SGCZ: variants seen among roughly 807,000 people sequenced by gnomAD.
SGCZ encodes sarcoglycan zeta, also known as zeta-sarcoglycan.
SGCZ carries 40 observed loss-of-function variants against 41.3 expected under a neutral mutation model. The ratio of observed to expected loss-of-function variants is 0.97; its 90% CI spans 0.75 to 1.26. The LOEUF (loss-of-function observed/expected upper bound fraction) is 1.26, where lower values mean the gene tolerates loss of function less well. Ranked by LOEUF, SGCZ falls within the 50% of genes most tolerant of loss-of-function variation. The pLI, the probability that SGCZ is intolerant of heterozygous loss-of-function variation, is 0.00. For missense variants in SGCZ, 552 were observed against 369.8 expected (o/e 1.49, Z -4.04); for synonymous variants, 206 against 137.5 (o/e 1.50, Z -3.49).
intron 7 of SGCZ, among the ~76,000 whole-genome samples, chr8:14,100,537 A>G (rs1169701477): frequency 8.2e-6 from 1 of 122,084 alleles, no homozygotes. Flanking sequence ...TATTTTCAAA[A>G]TATTATACAT....
At chr8:14,174,655 G>C (rs367668785) in intron 4 of SGCZ, among the ~76,000 whole-genome samples, 1 of 151,980 alleles carries the variant, frequency 6.6e-6, no homozygotes, top group Non-Finnish European at 1.5e-5. Flanking sequence ...TACCTTCAAA[G>C]AGCAATATTT....
intron 1 of SGCZ, among the ~76,000 whole-genome samples, chr8:14,625,908 A>C (rs562120212): frequency 9.9e-5 from 15 of 152,196 alleles, no homozygotes; most frequent in Non-Finnish European, 2.2e-4. Context: ...GATAATCTGG[A>C]CTACTTGGAA....
intron 2 of SGCZ, among the ~76,000 whole-genome samples, chr8:14,494,196 TG>T (rs1801923813): frequency 6.6e-6 from 1 of 152,222 alleles, no homozygotes; most frequent in Non-Finnish European, 1.5e-5. Context: ...TTTACTGGCC[TG>T]CATTAACAAG....
At chr8:14,854,734 C>T (rs1482046975) in intron 1 of SGCZ, among the ~76,000 whole-genome samples, 1 of 151,996 alleles carries the variant, frequency 6.6e-6, no homozygotes, top group Non-Finnish European at 1.5e-5. Flanking sequence ...GGAATACCAG[C>T]AGGAATTAGT....
intron 1 of SGCZ, among the ~76,000 whole-genome samples, chr8:14,767,223 T>A (rs376825472): frequency 6.6e-6 from 1 of 152,304 alleles, no homozygotes; most frequent in Admixed American, 6.5e-5. Flanking sequence ...GGCCTTGCAG[T>A]AGCCTACTTT....
chr8:14,307,482 C>G (rs1197717471), intron 3 of SGCZ, among the ~76,000 whole-genome samples: 3 of 152,132 alleles, frequency 2.0e-5, no homozygotes, highest in African/African-American at 7.2e-5. Context: ...TCTCCCTCTC[C>G]CAATCCCTTT....
chr8:14,684,458 T>C (rs1187782000), intron 1 of SGCZ, among the ~76,000 whole-genome samples: 1 of 152,170 alleles, frequency 6.6e-6, no homozygotes, highest in Non-Finnish European at 1.5e-5. Context: ...TTACTGACTC[T>C]GGCTAAAAGA....
At position 14,090,359 on chromosome 8, in the gene SGCZ, T is replaced by C. The variant is rs1563119392; in HGVS notation, c.*84A>G. 1 of 1,453,430 alleles carries C rather than the reference T, an allele frequency of 6.9e-7. No homozygotes were observed. Among genetic ancestry groups the C allele is most frequent in the African/African-American group, 1.4e-5 (1 of 70,568 alleles). 90.0% of individuals were successfully genotyped at this position (1,453,430 alleles called of 1,614,324 possible). ...TGGACCATTCGAAGAAGCTCTGGACTGATCACAAGGGAAACCGAGCAGAAC... is the reference window on the plus strand; with the variant it reads ...TGGACCATTCGAAGAAGCTCTGGACCGATCACAAGGGAAACCGAGCAGAAC... On this transcript the variant is annotated 3_prime_UTR_variant, in exon 8 of 8. Coordinates refer to ENST00000382080, the MANE Select transcript of SGCZ (RefSeq NM_139167.4).
chr8:15,199,590 T>C (rs1324304798), intron 1 of SGCZ, among the ~76,000 whole-genome samples: 1 of 152,152 alleles, frequency 6.6e-6, no homozygotes, highest in African/African-American at 2.4e-5. Flanking sequence ...GGTTAGAAAG[T>C]AAATTAATAG....
intron 1 of SGCZ, among the ~76,000 whole-genome samples, chr8:14,944,279 T>C (rs958409979): frequency 5.3e-5 from 8 of 152,222 alleles, no homozygotes; most frequent in African/African-American, 1.9e-4. Flanking sequence ...GTTGTCAACG[T>C]GGGGTTAATA....
At chr8:14,398,516 G>A (rs1798980601) in intron 2 of SGCZ, among the ~76,000 whole-genome samples, 1 of 152,116 alleles carries the variant, frequency 6.6e-6, no homozygotes, top group Non-Finnish European at 1.5e-5. Flanking sequence ...AAGAAGCTGA[G>A]GCAAAATTAA....
At chr8:14,170,044 G>A (rs1407815476) in intron 4 of SGCZ, among the ~76,000 whole-genome samples, 1 of 138,196 alleles carries the variant, frequency 7.2e-6, no homozygotes, top group Non-Finnish European at 1.6e-5. Context: ...TTTAAATTGG[G>A]TTCTTTCACT....
Position 14,663,039 on chromosome 8 carries a change from T to A in SGCZ, c.40-108113A>T, listed in dbSNP as rs138799253. On this transcript the variant is annotated intron_variant, in intron 1 of 7. Transcript: ENST00000382080. The stretch of plus-strand genomic sequence containing the variant: ...AGGAAACAGATCCTCCCCTAGGATG[T>A]CCAGAAAGAAATGCAGTTCTGCCAA... 4.6e-5 allele frequency among the ~76,000 whole-genome samples: 7 copies of A among 152,268 alleles called. No individual in the cohort carries two copies. In the East Asian group the frequency reaches 1.3e-3, roughly 29 times the overall value.
chr8:14,460,042 A>G (rs118093698), intron 2 of SGCZ, among the ~76,000 whole-genome samples: 5 of 152,156 alleles, frequency 3.3e-5, no homozygotes, highest in Non-Finnish European at 7.3e-5. Flanking sequence ...TGAAATTCAA[A>G]TAAGGCATGT....
intron 1 of SGCZ, among the ~76,000 whole-genome samples, chr8:14,730,123 A>T (rs2130233401): frequency 6.6e-6 from 1 of 152,298 alleles, no homozygotes; most frequent in East Asian, 1.9e-4. Flanking sequence ...GTAACTTTTC[A>T]GACAAGTTTA....
chr8:14,339,271 A>G (rs1186236610), intron 2 of SGCZ, among the ~76,000 whole-genome samples: 1 of 152,198 alleles, frequency 6.6e-6, no homozygotes, highest in Admixed American at 6.5e-5. Flanking sequence ...TGCAGATCTA[A>G]TTTGGTTTAC....
At chr8:14,129,220 C>T (rs2117053369) in intron 5 of SGCZ, among the ~76,000 whole-genome samples, 1 of 151,832 alleles carries the variant, frequency 6.6e-6, no homozygotes, top group Admixed American at 6.6e-5. Flanking sequence ...GTGGCAGGTG[C>T]CTGTACTCCC....
chr8:14,531,536 G>A (rs1024620001), intron 2 of SGCZ, among the ~76,000 whole-genome samples: 15 of 151,982 alleles, frequency 9.9e-5, no homozygotes, highest in African/African-American at 2.4e-4. Context: ...GGAAAGACGC[G>A]AGATTTCCCA....
chr8:14,544,307 A>G (rs1803558216), intron 2 of SGCZ, among the ~76,000 whole-genome samples: 1 of 152,134 alleles, frequency 6.6e-6, no homozygotes, highest in Admixed American at 6.6e-5. Context: ...TGGTAACTGT[A>G]CAAATTGATT....
Sources: allele counts gnomAD v4.1 joint callset (sites outside exome capture counted in the v4.1 genomes callset), GRCh38; gene constraint gnomAD v4.1.1; transcripts MANE v1.5; gene names NCBI Gene and HGNC (gene_info 2026-07-23, HGNC 2026-07-21).